The following GYS2 variants were observed in gnomAD, a reference collection of about 807,000 sequenced individuals.
GYS2 encodes the protein glycogen [starch] synthase, liver.
Under a neutral mutation model 85.6 loss-of-function variants are expected in GYS2, and 80 were observed. The observed-to-expected ratio is 0.93, with a 90% CI of 0.78 to 1.13. The LOEUF is 1.13. Ranked by LOEUF, GYS2 falls within the 50% of genes most tolerant of loss-of-function variation. The pLI is 0.00. For synonymous variants in GYS2, 328 were observed against 300.7 expected, an observed-to-expected ratio of 1.09 and a Z score of -0.94; for missense variants, 881 against 854.9, an observed-to-expected ratio of 1.03 and a Z score of -0.38.
rs182642995 is a variant in GYS2, at chr12:21,538,791, G to A, written c.1890+467C>T. Among the ~76,000 whole-genome samples the A allele has an allele frequency of 5.9e-5, 9 of 152,280 alleles. No homozygotes were observed. In the East Asian group the frequency reaches 7.7e-4, roughly 13 times the overall value. The stretch of plus-strand genomic sequence containing the variant: ...CTATAGCAGTCTTATGAACATAAAC[G>A]TCTAGTTGGATTTTAGAAGAAGACA... On this transcript the variant is annotated intron_variant, in intron 15 of 15. Transcript: ENST00000261195.
intron 12 of GYS2, among the ~76,000 whole-genome samples, chr12:21,545,567 G>T (rs1388996273): frequency 6.6e-6 from 1 of 152,184 alleles, no homozygotes; most frequent in Admixed American, 6.5e-5. Context: ...TAAAGTATTT[G>T]TTTCCCTTTT....
At chr12:21,561,757 A>G (rs976129065) in intron 7 of GYS2, among the ~76,000 whole-genome samples, 2 of 152,218 alleles carry the variant, frequency 1.3e-5, no homozygotes, top group Non-Finnish European at 2.9e-5. Flanking sequence ...TTATTTAAGA[A>G]TAATCTTTTT....
At chr12:21,557,221 G>A (rs1944191127) in intron 11 of GYS2, among the ~76,000 whole-genome samples, 1 of 152,204 alleles carries the variant, frequency 6.6e-6, no homozygotes. Flanking sequence ...GAACATTAGT[G>A]GATGGAGCTT....
chr12:21,590,700 A>G (rs1399468453), intron 1 of GYS2, among the ~76,000 whole-genome samples: 1 of 152,144 alleles, frequency 6.6e-6, no homozygotes, highest in Non-Finnish European at 1.5e-5. Flanking sequence ...ACTCATTACC[A>G]TCAGTGCCAA....
chr12:21,586,122 G>A (rs1944569746), intron 1 of GYS2, among the ~76,000 whole-genome samples: 1 of 152,090 alleles, frequency 6.6e-6, no homozygotes, highest in Non-Finnish European at 1.5e-5. Context: ...TCAGTGGGCT[G>A]GGAAAGGCAG....
At chr12:21,553,784 A>C (rs912310180) in intron 11 of GYS2, among the ~76,000 whole-genome samples, 5 of 90,130 alleles carry the variant, frequency 5.5e-5, no homozygotes, top group Admixed American at 3.6e-4. Flanking sequence ...AAACCAATTT[A>C]TACACACATA....
chr12:21,580,230 G>A, intron 2 of GYS2, 112 bp downstream of exon 2: 1 of 993,236 alleles, frequency 1.0e-6, no homozygotes, highest in East Asian at 2.4e-5. Flanking sequence ...TCACAAACCT[G>A]AAAGTTTTCC....
chr12:21,556,514 T>C (rs1468615983), intron 11 of GYS2, among the ~76,000 whole-genome samples: 1 of 152,194 alleles, frequency 6.6e-6, no homozygotes, highest in Non-Finnish European at 1.5e-5. Flanking sequence ...TTCATTGATG[T>C]CCACTGCTGC....
chr12:21,591,166 G>A (rs915332807), intron 1 of GYS2, among the ~76,000 whole-genome samples: 12 of 151,912 alleles, frequency 7.9e-5, no homozygotes, highest in African/African-American at 2.7e-4. Flanking sequence ...TAAAATTCTG[G>A]AAAAAAGAAT....
chr12:21,544,866 T>C (rs1238817839), intron 12 of GYS2, among the ~76,000 whole-genome samples: 2 of 152,220 alleles, frequency 1.3e-5, no homozygotes, highest in African/African-American at 4.8e-5. Context: ...AACAATAGAA[T>C]AGGACCTTAT....
Position 21,537,058 on chromosome 12 carries a change from C to T in GYS2, c.2008G>A (p.Glu670Lys), listed in dbSNP as rs766126638. The T allele has an allele frequency of 6.2e-7, 1 of 1,613,924 alleles. No individual in the cohort carries two copies. The highest frequency in any genetic ancestry group is 8.5e-7 in the Non-Finnish European group (1 of 1,179,846). The change falls in exon 16 of 16, where the codon GAG becomes AAG. Residue 670 changes from glutamate (E) to lysine (K), a missense_variant. Coordinates refer to ENST00000261195, the MANE Select transcript of GYS2 (RefSeq NM_021957.4). The part of the protein sequence containing the change: ...EDEVEDERYD[E>K]EEEAERDRLN... ...CGATCCCTTTCAGCCTCCTCTTCCT[C>T]ATCGTATCTCTCATCCTCCACTTCA...
chr12:21,574,427 T>C, intron 3 of GYS2, 101 bp from the exon 4 acceptor site: 1 of 917,288 alleles, frequency 1.1e-6, no homozygotes, highest in Non-Finnish European at 1.8e-6. Context: ...ATAAATTATT[T>C]TGCAACTTAA....
chr12:21,570,984 A>C (rs1197478026), intron 4 of GYS2, among the ~76,000 whole-genome samples: 1 of 152,268 alleles, frequency 6.6e-6, no homozygotes, highest in Non-Finnish European at 1.5e-5. Flanking sequence ...GAAAGTGCTC[A>C]ATAAATTTAG....
At chr12:21,552,419 T>C (rs574279688) in intron 11 of GYS2, among the ~76,000 whole-genome samples, 2 of 65,858 alleles carry the variant, frequency 3.0e-5, no homozygotes, top group South Asian at 6.2e-4. Flanking sequence ...AACTTATCAA[T>C]GCACTCTGAG....
intron 4 of GYS2, among the ~76,000 whole-genome samples, chr12:21,569,748 A>G (rs552748794): frequency 9.8e-5 from 15 of 152,348 alleles, no homozygotes; most frequent in African/African-American, 3.6e-4. Context: ...TTCTGACATT[A>G]TGTAAGTAGG....
chr12:21,563,862 C>T (rs2136884190), intron 5 of GYS2, among the ~76,000 whole-genome samples: 1 of 152,306 alleles, frequency 6.6e-6, no homozygotes, highest in Admixed American at 6.5e-5. Context: ...TAACCCTGCA[C>T]TAAACTACCT....
At chr12:21,556,945 G>A (rs1399630337) in intron 11 of GYS2, among the ~76,000 whole-genome samples, 1 of 152,126 alleles carries the variant, frequency 6.6e-6, no homozygotes, top group Non-Finnish European at 1.5e-5. Flanking sequence ...AGAAGCTAGT[G>A]ATAAGAATGA....
intron 11 of GYS2, among the ~76,000 whole-genome samples, chr12:21,556,766 T>C (rs1944185009): frequency 6.6e-6 from 1 of 152,232 alleles, no homozygotes; most frequent in African/African-American, 2.4e-5. Flanking sequence ...ATTTTCCCTC[T>C]TTCTTACTCC....
At chr12:21,593,470 C>T (rs556546691) in intron 1 of GYS2, among the ~76,000 whole-genome samples, 3 of 151,792 alleles carry the variant, frequency 2.0e-5, no homozygotes, top group East Asian at 1.9e-4. Flanking sequence ...AAAAGATTAT[C>T]AGAGACTATT....
Sources: allele counts gnomAD v4.1 joint callset (sites outside exome capture counted in the v4.1 genomes callset), GRCh38; gene constraint gnomAD v4.1.1; transcripts MANE v1.5; gene names NCBI Gene and HGNC (gene_info 2026-07-23, HGNC 2026-07-21).